The following G6PD variants were observed in gnomAD, a reference collection of about 807,000 sequenced individuals.
G6PD encodes glucose-6-phosphate 1-dehydrogenase.
G6PD carries 2 observed loss-of-function variants against 38.2 expected under a neutral mutation model. The observed-to-expected ratio is 0.05, with a 90% confidence interval of 0.02 to 0.16. The LOEUF is 0.16. Among genes scored for constraint, G6PD ranks in the 10% least tolerant of loss-of-function variants. G6PD has a pLI of 1.00. For missense variants in G6PD, 310 were observed against 471.6 expected, an observed-to-expected ratio of 0.66 and a Z score of 3.17; for synonymous variants, 188 against 196.0, an observed-to-expected ratio of 0.96 and a Z score of 0.34.
At position 154,533,651 on chromosome X, in the gene G6PD, G is replaced by A. The variant is rs2070369805; in HGVS notation, c.789C>T (p.His263=). ...CCACCAGACACAGCATCTGCAGTAGGTGGTTCTGCATCACGTCCCTGGGGA... is the reference window on the plus strand; with the variant it reads ...CCACCAGACACAGCATCTGCAGTAGATGGTTCTGCATCACGTCCCTGGGGA... ...FGIIRDVMQN[H]LLQMLCLVAM... is the part of the protein sequence containing the mutation. Residue 263 remains histidine (H), a synonymous_variant, in exon 8 of 13, where the codon CAC becomes CAT. Transcript: ENST00000393562. 3 of 1,210,810 alleles carry A rather than the reference G, an allele frequency of 2.5e-6. No individual in the cohort carries two copies. Among genetic ancestry groups the A allele is most frequent in the Non-Finnish European group, 2.2e-6 (2 of 895,343 alleles).
At chrX:154,537,365 C>A (rs2070421748) in intron 2 of G6PD, among the ~76,000 whole-genome samples, 1 of 111,665 alleles carries the variant, frequency 9.0e-6, no homozygotes. Context: ...AGCCTATAAT[C>A]CCAGCACTTT....
intron 2 of G6PD, among the ~76,000 whole-genome samples, chrX:154,543,473 G>GCC (rs2070585280): frequency 8.9e-6 from 1 of 112,201 alleles, no homozygotes; most frequent in Non-Finnish European, 1.9e-5. Flanking sequence ...AGCAAGCTTG[G>GCC]ATGCTCTCAA....
upstream of G6PD, chrX:154,547,194 G>T: frequency 2.8e-6 from 1 of 363,420 alleles, no homozygotes; most frequent in Non-Finnish European, 3.6e-6. Context: ...GCGGCCTCGC[G>T]CGCTCGCGGA....
At chrX:154,538,542 T>C (rs372152060) in intron 2 of G6PD, among the ~76,000 whole-genome samples, 1 of 111,882 alleles carries the variant, frequency 8.9e-6, no homozygotes, top group Non-Finnish European at 1.9e-5. Flanking sequence ...CAGATGTAGA[T>C]CAAGTGTTTC....
In G6PD at chrX:154,532,860, T is replaced by C. The variant is rs1416755327; in HGVS notation, c.1052-58A>G. 2.5e-6 allele frequency: 3 copies of C among 1,204,455 alleles called. No individual in the cohort carries two copies. The Admixed American group carries it at 6.5e-5, about 26-fold the overall frequency. On this transcript the variant is annotated intron_variant, in intron 9 of 12. Coordinates refer to ENST00000393562, the MANE Select transcript of G6PD (RefSeq NM_001360016.2). Reference sequence around the variant, plus strand: ...CTCTCTCAGGGTGTGGACCAGTGCGTGAGTGTCTCAGTGGGAGCTCCAGTG... The same window carrying C: ...CTCTCTCAGGGTGTGGACCAGTGCGCGAGTGTCTCAGTGGGAGCTCCAGTG...
chrX:154,536,203 G>A (rs2070406920), intron 2 of G6PD, 25 bp from the exon 3 acceptor site: 1 of 1,202,915 alleles, frequency 8.3e-7, no homozygotes, highest in African/African-American at 1.8e-5. Flanking sequence ...ACAGGTGTGT[G>A]GTTAGAAGTG....
At chrX:154,543,135 C>CA (rs2148342678) in intron 2 of G6PD, among the ~76,000 whole-genome samples, 1 of 111,826 alleles carries the variant, frequency 8.9e-6, no homozygotes, top group East Asian at 2.8e-4. Flanking sequence ...CCATCTCCCC[C>CA]ACAGCAGGAA....
Position 154,536,162 on chromosome X carries a change from T to C in G6PD, c.137A>G (p.Lys46Arg). 8.3e-7 allele frequency: 1 copy of C among 1,211,172 alleles called. No homozygotes were observed. Among genetic ancestry groups the C allele is most frequent in the East Asian group, 3.0e-5 (1 of 33,818 alleles). ...IMGASGDLAKKKIYPTIWWLF... is the reference protein window; with the variant it reads ...IMGASGDLAKRKIYPTIWWLF... ...TTACCAGATGGTGGGGTAGATCTTC[T>C]TCTTGGCCAGGTCACCCTGTGGCAG... Residue 46 changes from lysine to arginine, a missense_variant, in exon 3 of 13, where the codon AAG (lysine) becomes AGG (arginine). By Grantham distance (26) the Lys-to-Arg change is conservative. Transcript: ENST00000393562.
rs782754619 is a variant in G6PD, at chrX:154,534,348, T to C, written c.634A>G (p.Met212Val). 7 of 1,209,214 alleles carry C rather than the reference T, an allele frequency of 5.8e-6. No homozygotes were observed. The highest frequency in any genetic ancestry group is 5.3e-5 in the African/African-American group (3 of 57,140). Residue 212 changes from methionine (M) to valine (V), a missense_variant, in exon 6 of 13, where the codon ATG (methionine) becomes GTG (valine). By Grantham distance (21) the Met-to-Val change is conservative. Coordinates refer to ENST00000393562, the MANE Select transcript of G6PD (RefSeq NM_001360016.2). ...CAGGCTTGGCCCCACCTCAGCACCATGAGGTTCTGCACCATCTCCTTGCCC... is the reference window on the plus strand; with the variant it reads ...CAGGCTTGGCCCCACCTCAGCACCACGAGGTTCTGCACCATCTCCTTGCCC... Reference protein sequence around the residue: ...YLGKEMVQNLMVLRFANRIFG... With the variant: ...YLGKEMVQNLVVLRFANRIFG...
intron 2 of G6PD, among the ~76,000 whole-genome samples, chrX:154,544,309 G>A (rs1214795332): frequency 9.1e-6 from 1 of 110,351 alleles, no homozygotes; most frequent in Admixed American, 9.7e-5. Flanking sequence ...CTACAGGCAC[G>A]CACCACCACG....
At chrX:154,541,644 A>T (rs1464276232) in intron 2 of G6PD, among the ~76,000 whole-genome samples, 2 of 111,561 alleles carry the variant, frequency 1.8e-5, no homozygotes, top group South Asian at 3.7e-4. Context: ...CCTTAGTGAA[A>T]AGCAGTTGGG....
At chrX:154,533,938 G>T in intron 7 of G6PD, 97 bp downstream of exon 7, 3 of 1,203,852 alleles carry the variant, frequency 2.5e-6, no homozygotes, top group Non-Finnish European at 3.4e-6. Flanking sequence ...ACTGCAGGGT[G>T]AGGAGGAGCT....
Position 154,536,132 on chromosome X carries a change from C to A in G6PD, c.158+9G>T. On this transcript the variant is annotated intron_variant, in intron 3 of 12. Transcript: ENST00000393562. ...GGAGGTCACAGGGGCAGTGGTGGGA[C>A]ACACTTACCAGATGGTGGGGTAGAT... The A allele has an allele frequency of 8.3e-7, 1 of 1,211,235 alleles. No homozygotes were observed. Among genetic ancestry groups the A allele is most frequent in the Non-Finnish European group, 1.1e-6 (1 of 894,797 alleles).
At chrX:154,534,275 G>T in intron 6 of G6PD, 63 bp downstream of exon 6, 1 of 1,203,267 alleles carries the variant, frequency 8.3e-7, no homozygotes, top group Non-Finnish European at 1.1e-6. Context: ...GGGAGGCAGT[G>T]GGCCAGGTGA....
chrX:154,532,888 C>T (rs191631970), intron 9 of G6PD, 54 bp downstream of exon 9: 44 of 1,205,682 alleles, frequency 3.6e-5, no homozygotes, highest in East Asian at 5.9e-5. Flanking sequence ...CTCCAGTGCC[C>T]GCACACAGGG....
At chrX:154,540,785 A>C (rs2070484502) in intron 2 of G6PD, among the ~76,000 whole-genome samples, 1 of 111,778 alleles carries the variant, frequency 8.9e-6, no homozygotes, top group Non-Finnish European at 1.9e-5. Context: ...GGAAGCCACC[A>C]CAGGGCTTCC....
intron 2 of G6PD, among the ~76,000 whole-genome samples, chrX:154,542,993 TG>T (rs2070564877): frequency 8.9e-6 from 1 of 112,164 alleles, no homozygotes; most frequent in East Asian, 2.8e-4. Flanking sequence ...GCTGCTTTCC[TG>T]GAACAGCAGA....
At chrX:154,534,528 T>G (rs1557230425) in intron 5 of G6PD, 32 bp from the exon 6 acceptor site, 3 of 1,205,178 alleles carry the variant, frequency 2.5e-6, no homozygotes, top group Non-Finnish European at 3.4e-6. Flanking sequence ...GTTACCCCCT[T>G]GAACCCCTCT....
chrX:154,531,732 C>T lies in G6PD; in HGVS notation c.*268G>A. 4.7e-6 allele frequency: 2 copies of T among 428,006 alleles called. No individual in the cohort carries two copies. Among genetic ancestry groups the T allele is most frequent in the East Asian group, 3.9e-5 (1 of 25,355 alleles). 35.3% of individuals were successfully genotyped at this position (428,006 alleles called of 1,213,427 possible). On this transcript the variant is annotated 3_prime_UTR_variant, in exon 13 of 13. Transcript: ENST00000393562. ...AGACGAATGGGCGCCCTCCTCCTTCCTTCTGTTGGGCTGGAGTGAGTGGAG... is the reference window on the plus strand; with the variant it reads ...AGACGAATGGGCGCCCTCCTCCTTCTTTCTGTTGGGCTGGAGTGAGTGGAG...
Sources: gnomAD v4.1 joint callset for allele counts (sites outside exome capture counted in the v4.1 genomes callset) on GRCh38, gnomAD v4.1.1 for gene constraint, MANE v1.5 for transcripts, NCBI Gene and HGNC (gene_info 2026-07-23, HGNC 2026-07-21) for gene names.